NTM: variants seen among roughly 807,000 people sequenced by gnomAD.
The protein encoded by NTM is neurotrimin.
NTM carries 13 observed loss-of-function variants against 42.1 expected under a neutral mutation model. The ratio of observed to expected loss-of-function variants is 0.31; its 90% CI spans 0.20 to 0.49. NTM has a LOEUF of 0.49. Ranked by LOEUF, NTM falls within the 20% of genes least tolerant of loss-of-function variation. The pLI, the probability that NTM is intolerant of heterozygous loss-of-function variation, is 0.99. For missense variants in NTM, 373 were observed against 452.8 expected (o/e 0.82, Z 1.60); for synonymous variants, 187 against 179.2 (o/e 1.04, Z -0.35).
At chr11:131,446,106 A>G (rs2136009345) in intron 1 of NTM, among the ~76,000 whole-genome samples, 1 of 152,338 alleles carries the variant, frequency 6.6e-6, no homozygotes, top group East Asian at 1.9e-4. Context: ...ACACGTCTTA[A>G]GTCCAACCCA....
chr11:132,150,817 G>A (rs2071732640), intron 3 of NTM, among the ~76,000 whole-genome samples: 1 of 152,154 alleles, frequency 6.6e-6, no homozygotes, highest in Non-Finnish European at 1.5e-5. Context: ...TGTGAGCTCA[G>A]GGGACATGAA....
intron 2 of NTM, among the ~76,000 whole-genome samples, chr11:131,948,750 C>T (rs1007018618): frequency 6.6e-6 from 1 of 152,176 alleles, no homozygotes; most frequent in Non-Finnish European, 1.5e-5. Context: ...GGCCCCACCG[C>T]CCCAGTGCTA....
At chr11:131,826,296 G>A (rs867024569) in intron 1 of NTM, among the ~76,000 whole-genome samples, 8 of 152,244 alleles carry the variant, frequency 5.3e-5, no homozygotes, top group Middle Eastern at 3.4e-3. Context: ...TAGCATGTTG[G>A]CAGAAGAGGG....
intron 1 of NTM, among the ~76,000 whole-genome samples, chr11:131,624,485 A>C (rs1246066267): frequency 1.3e-5 from 2 of 152,138 alleles, no homozygotes; most frequent in African/African-American, 4.8e-5. Context: ...AGCCAGGGAC[A>C]TCACAGGAGG....
At chr11:131,638,612 A>T (rs1227677590) in intron 1 of NTM, among the ~76,000 whole-genome samples, 1 of 151,920 alleles carries the variant, frequency 6.6e-6, no homozygotes, top group African/African-American at 2.4e-5. Context: ...TAAATCACAT[A>T]AAGAAAACTT....
At chr11:132,331,809 A>G (rs561670325) in intron 8 of NTM, among the ~76,000 whole-genome samples, 1 of 152,340 alleles carries the variant, frequency 6.6e-6, no homozygotes, top group South Asian at 2.1e-4. Flanking sequence ...ATGAAGAATA[A>G]GAGTGATATG....
intron 1 of NTM, among the ~76,000 whole-genome samples, chr11:131,656,822 A>G (rs2134406510): frequency 6.6e-6 from 1 of 152,292 alleles, no homozygotes; most frequent in South Asian, 2.1e-4. Flanking sequence ...TGGAGTAGGT[A>G]TGCAACTGTC....
intron 1 of NTM, among the ~76,000 whole-genome samples, chr11:131,830,499 A>T (rs1399703076): frequency 6.6e-6 from 1 of 152,018 alleles, no homozygotes; most frequent in East Asian, 1.9e-4. Flanking sequence ...TTATTTCTGC[A>T]TTCTCTATTC....
intron 2 of NTM, among the ~76,000 whole-genome samples, chr11:131,912,376 C>A (rs2055326152): frequency 6.6e-6 from 1 of 152,082 alleles, no homozygotes; most frequent in Non-Finnish European, 1.5e-5. Context: ...TGGGTTGGGT[C>A]CTGATTGGCT....
At chr11:132,250,010 G>A (rs2091748860) in intron 4 of NTM, among the ~76,000 whole-genome samples, 1 of 151,992 alleles carries the variant, frequency 6.6e-6, no homozygotes, top group Admixed American at 6.6e-5. Flanking sequence ...CTTACATCTG[G>A]GATTATTTTC....
intron 1 of NTM, among the ~76,000 whole-genome samples, chr11:131,858,587 A>T (rs1707026578): frequency 6.6e-6 from 1 of 152,176 alleles, no homozygotes. Flanking sequence ...ATCGGATGGT[A>T]AGTTAAGTGA....
intron 3 of NTM, among the ~76,000 whole-genome samples, chr11:132,196,145 G>T (rs2080167629): frequency 6.6e-6 from 1 of 152,082 alleles, no homozygotes; most frequent in South Asian, 2.1e-4. Context: ...GACATGAGCA[G>T]ATATTTCTCA....
chr11:132,080,189 T>A (rs1349722878), intron 2 of NTM, among the ~76,000 whole-genome samples: 1 of 82,932 alleles, frequency 1.2e-5, no homozygotes, highest in African/African-American at 6.3e-5. Flanking sequence ...GAAAGAATGC[T>A]GAAAAAAAAA....
intron 1 of NTM, among the ~76,000 whole-genome samples, chr11:131,804,660 A>C (rs575487103): frequency 6.6e-6 from 1 of 152,210 alleles, no homozygotes; most frequent in African/African-American, 2.4e-5. Flanking sequence ...CCAACCTGAC[A>C]GCATCAGCCA....
chr11:132,225,705 T>C (rs1466611693), intron 4 of NTM, among the ~76,000 whole-genome samples: 1 of 152,224 alleles, frequency 6.6e-6, no homozygotes, highest in African/African-American at 2.4e-5. Flanking sequence ...TTTTACCTTT[T>C]TTATTTAAAT....
At chr11:132,038,322 GCT>G (rs910931836) in intron 2 of NTM, among the ~76,000 whole-genome samples, 2 of 152,222 alleles carry the variant, frequency 1.3e-5, no homozygotes, top group African/African-American at 4.8e-5. Flanking sequence ...GCTGGCCCCG[GCT>G]GTGTGTTGTA....
intron 3 of NTM, among the ~76,000 whole-genome samples, chr11:132,179,644 G>T: frequency 6.6e-6 from 1 of 152,292 alleles, no homozygotes; most frequent in Non-Finnish European, 1.5e-5. Flanking sequence ...TTTGGAAGAC[G>T]GTTTGAAGAG....
chr11:131,891,324 C>T (rs519337), intron 1 of NTM, among the ~76,000 whole-genome samples: 15,700 of 151,984 alleles, frequency 0.1, 1,218 homozygotes, highest in South Asian at 0.3. Flanking sequence ...TCAGTCGAAG[C>T]GTGTCTTGAG....
intron 2 of NTM, among the ~76,000 whole-genome samples, chr11:132,079,197 A>G (rs2058724281): frequency 6.6e-6 from 1 of 152,206 alleles, no homozygotes; most frequent in African/African-American, 2.4e-5. Flanking sequence ...AAATAATGAT[A>G]CTAATCAGTA....
Sources: allele counts gnomAD v4.1 joint callset (sites outside exome capture counted in the v4.1 genomes callset), GRCh38; gene constraint gnomAD v4.1.1; transcripts MANE v1.5; gene names NCBI Gene and HGNC (gene_info 2026-07-23, HGNC 2026-07-21).